Variants in NCAM2 observed in about 807,000 individuals in gnomAD.
NCAM2 encodes the protein neural cell adhesion molecule 2.
Under a neutral mutation model 98.1 loss-of-function variants are expected in NCAM2, and 30 were observed. The ratio of observed to expected loss-of-function variants is 0.31; its 90% confidence interval spans 0.23 to 0.41. The LOEUF (loss-of-function observed/expected upper bound fraction) is 0.41. Among genes scored for constraint, NCAM2 ranks in the 10% least tolerant of loss-of-function variants. NCAM2 has a pLI of 1.00. For missense variants in NCAM2, 867 were observed against 1,005.8 expected (o/e 0.86, Z 1.87); for synonymous variants, 368 against 342.4 (o/e 1.07, Z -0.83).
chr21:21,474,447 T>C (rs1354970489), intron 14 of NCAM2, among the ~76,000 whole-genome samples: 1 of 152,102 alleles, frequency 6.6e-6, no homozygotes, highest in African/African-American at 2.4e-5. Flanking sequence ...CCAAAAATGG[T>C]ATTTTTGAAG....
At chr21:21,499,936 A>G (rs1485911504) in intron 15 of NCAM2, among the ~76,000 whole-genome samples, 1 of 152,134 alleles carries the variant, frequency 6.6e-6, no homozygotes, top group East Asian at 1.9e-4. Context: ...AGAATTTCCA[A>G]GTGCATTTAT....
At chr21:21,238,368 T>A (rs745410969) in intron 1 of NCAM2, among the ~76,000 whole-genome samples, 1 of 152,310 alleles carries the variant, frequency 6.6e-6, no homozygotes, top group Non-Finnish European at 1.5e-5. Flanking sequence ...ATACATTTAT[T>A]TGCTTAGCCA....
In NCAM2 at chr21:21,057,994, A is replaced by G. The variant is rs113077959; in HGVS notation, c.55+59376A>G. On this transcript the variant is annotated intron_variant, in intron 1 of 17. Coordinates refer to ENST00000400546, the MANE Select transcript of NCAM2 (RefSeq NM_004540.5). ...GTCTCCGAAGAATTTCCTGCTCCCAATGAAAATGACTTCTATATGATTGAA... is the reference window on the plus strand; with the variant it reads ...GTCTCCGAAGAATTTCCTGCTCCCAGTGAAAATGACTTCTATATGATTGAA... Among the ~76,000 whole-genome samples, 26 of 152,200 alleles carry G rather than the reference A, an allele frequency of 1.7e-4. 1 individual carries two copies. Among genetic ancestry groups the G allele is most frequent in the African/African-American group, 5.3e-4 (22 of 41,550 alleles).
intron 1 of NCAM2, among the ~76,000 whole-genome samples, chr21:21,115,955 TTTTG>T (rs1388647453): frequency 1.5e-5 from 1 of 67,876 alleles, no homozygotes; most frequent in African/African-American, 4.9e-5. Context: ...TTCTCTGAGA[TTTTG>T]TGTGTGTGTG....
rs1315172748 is a variant in NCAM2 at position 21,147,083 on chromosome 21, T to A, written c.56-133495T>A. 3 of 959,916 alleles carry A rather than the reference T, an allele frequency of 3.1e-6. No homozygotes were observed. In the African/African-American group the frequency reaches 5.7e-5, roughly 18 times the overall value. 59.5% of individuals were successfully genotyped at this position (959,916 alleles called of 1,614,324 possible). On this transcript the variant is annotated intron_variant, in intron 1 of 17. Coordinates refer to ENST00000400546, the MANE Select transcript of NCAM2 (RefSeq NM_004540.5). Reference sequence around the variant, plus strand: ...CTTCTACTCCGGAACTGATACCCTTTGCCTTCTACTCCGGAACTCATACCC... The same window carrying A: ...CTTCTACTCCGGAACTGATACCCTTAGCCTTCTACTCCGGAACTCATACCC...
chr21:21,457,637 C>G (rs1268353375), intron 12 of NCAM2, among the ~76,000 whole-genome samples: 1 of 147,718 alleles, frequency 6.8e-6, no homozygotes, highest in Non-Finnish European at 1.5e-5. Flanking sequence ...AAGACTCCTT[C>G]TCAAGAAAAA....
intron 12 of NCAM2, among the ~76,000 whole-genome samples, chr21:21,445,609 G>T (rs1426261183): frequency 6.6e-6 from 1 of 151,566 alleles, no homozygotes; most frequent in Non-Finnish European, 1.5e-5. Context: ...TGTATTTTTT[G>T]ATCTTTGTTG....
At chr21:21,423,711 A>G (rs1481714110) in intron 11 of NCAM2, among the ~76,000 whole-genome samples, 2 of 152,038 alleles carry the variant, frequency 1.3e-5, no homozygotes, top group East Asian at 3.9e-4. Context: ...ACTTACCCCT[A>G]TTAAATCTCA....
rs1191035117 is a variant in NCAM2 at position 21,324,380 on chromosome 21, C to T, written c.620-3C>T. 1.3e-5 allele frequency: 21 copies of T among 1,607,970 alleles called. No individual in the cohort carries two copies. The highest frequency in any genetic ancestry group is 1.7e-5 in the Non-Finnish European group (20 of 1,174,764). On this transcript the variant is annotated splice_region_variant and splice_polypyrimidine_tract_variant and intron_variant, in intron 5 of 17. Coordinates refer to ENST00000400546, the MANE Select transcript of NCAM2 (RefSeq NM_004540.5). ...ATTTATTCTGTATTCATCTCTCCTT[C>T]AGTGCCGCCAGCAATCTCAATGCCT...
intron 1 of NCAM2, among the ~76,000 whole-genome samples, chr21:21,241,707 GT>G (rs1433607737): frequency 1.9e-3 from 241 of 125,186 alleles, no homozygotes; most frequent in African/African-American, 4.5e-3. Context: ...CCAAGGCTCT[GT>G]TTTTTTTTTT....
At chr21:21,314,412 GTATATTTTTGGT>G (rs1210481928) in intron 5 of NCAM2, among the ~76,000 whole-genome samples, 1 of 152,008 alleles carries the variant, frequency 6.6e-6, no homozygotes, top group African/African-American at 2.4e-5. Flanking sequence ...TTTGGTGTTT[GTATATTTTTGGT>G]TTTTAGAAGT....
rs1003813600 is a variant in NCAM2, at chr21:21,361,571, C to A, written c.1045-12292C>A. ...TAGTCTGCCATTTTTTCTTGGATTT[C>A]TCTAATGATGCTGAGTCCTTGGTGA... On this transcript the variant is annotated intron_variant, in intron 8 of 17. Coordinates refer to ENST00000400546, the MANE Select transcript of NCAM2 (RefSeq NM_004540.5). 1.1e-4 allele frequency among the ~76,000 whole-genome samples: 17 copies of A among 151,914 alleles called. 1 individual carries two copies. The highest frequency in any genetic ancestry group is 3.6e-4 in the African/African-American group (15 of 41,386).
chr21:21,320,306 A>G (rs2074343227), intron 5 of NCAM2, among the ~76,000 whole-genome samples: 1 of 152,218 alleles, frequency 6.6e-6, no homozygotes, highest in South Asian at 2.1e-4. Context: ...GTACGTATTT[A>G]GTTTATAGTA....
intron 16 of NCAM2, among the ~76,000 whole-genome samples, chr21:21,511,864 G>T (rs560090960): frequency 3.9e-5 from 6 of 151,908 alleles, no homozygotes; most frequent in Admixed American, 2.6e-4. Flanking sequence ...AGCATTTTTT[G>T]TATACTTGCT....
chr21:21,430,195 T>A (rs1307942406), intron 11 of NCAM2, among the ~76,000 whole-genome samples: 1 of 151,218 alleles, frequency 6.6e-6, no homozygotes. Flanking sequence ...CACCCGGCTG[T>A]TTTTTTTATT....
intron 1 of NCAM2, among the ~76,000 whole-genome samples, chr21:21,241,215 A>C (rs1170469129): frequency 2.0e-5 from 3 of 152,150 alleles, no homozygotes; most frequent in Non-Finnish European, 4.4e-5. Context: ...AACAATGACA[A>C]CAAAAAAATG....
At chr21:21,501,075 A>G (rs1244173696) in intron 15 of NCAM2, among the ~76,000 whole-genome samples, 2 of 152,026 alleles carry the variant, frequency 1.3e-5, no homozygotes, top group African/African-American at 4.8e-5. Context: ...TCTGCTACAC[A>G]TTGACTCTTT....
At chr21:21,400,149 T>G (rs953952215) in intron 9 of NCAM2, among the ~76,000 whole-genome samples, 7 of 152,188 alleles carry the variant, frequency 4.6e-5, no homozygotes, top group African/African-American at 1.4e-4. Context: ...GAAATAAGCT[T>G]GTCCTGAATG....
chr21:21,257,917 C>G (rs1444998935), intron 1 of NCAM2, among the ~76,000 whole-genome samples: 2 of 152,118 alleles, frequency 1.3e-5, no homozygotes, highest in Non-Finnish European at 2.9e-5. Context: ...TCTACTCACA[C>G]ACGTATGGTG....
Sources: gnomAD v4.1 joint callset for allele counts (sites outside exome capture counted in the v4.1 genomes callset) on GRCh38, gnomAD v4.1.1 for gene constraint, MANE v1.5 for transcripts, NCBI Gene and HGNC (gene_info 2026-07-23, HGNC 2026-07-21) for gene names.